Variants in RBM5 observed in about 807,000 individuals in gnomAD.
The protein encoded by RBM5 is RNA binding motif protein 5.
RBM5 carries 15 observed loss-of-function variants against 124.6 expected under a neutral mutation model. The observed-to-expected ratio is 0.12, with a 90% CI of 0.08 to 0.19. The LOEUF is 0.19. Ranked by LOEUF, RBM5 falls within the 10% of genes least tolerant of loss-of-function variation. The probability of loss-of-function intolerance (pLI) is 1.00; values close to 1 mark genes in which losing one functional copy is unlikely to be tolerated. For missense variants in RBM5, 580 were observed against 1,026.5 expected (o/e 0.57, Z 5.94); for synonymous variants, 337 against 361.2 (o/e 0.93, Z 0.76).
At chr3:50,114,300 C>T (rs1267146439) in intron 20 of RBM5, 49 bp downstream of exon 20, 2 of 1,550,756 alleles carry the variant, frequency 1.3e-6, no homozygotes, top group Non-Finnish European at 1.7e-6. Context: ...TGGTTTGTGT[C>T]TCACTTTAAG....
chr3:50,091,961 TG>T, intron 2 of RBM5, 81 bp from the exon 3 acceptor site: 1 of 1,411,740 alleles, frequency 7.1e-7, no homozygotes, highest in South Asian at 1.2e-5. Context: ...AACTGATCTG[TG>T]GGCCGTGTGT....
Position 50,115,457 on chromosome 3 carries a change from C to T in RBM5, c.1869C>T (p.Asp623=), listed in dbSNP as rs769839493. 2 of 1,614,040 alleles carry T rather than the reference C, an allele frequency of 1.2e-6. No homozygotes were observed. The highest frequency in any genetic ancestry group is 8.5e-7 in the Non-Finnish European group (1 of 1,180,004). The change falls in exon 21 of 25, where the codon GAC becomes GAT. Residue 623 remains aspartate (D), a synonymous_variant. Transcript: ENST00000347869. ...KRGLVAAYSG[D]SDNEEELVER... ...GTCTGGTTGCTGCTTACAGTGGTGACAGTGACAATGAGGAGGAGCTGGTGG... is the reference window on the plus strand; with the variant it reads ...GTCTGGTTGCTGCTTACAGTGGTGATAGTGACAATGAGGAGGAGCTGGTGG...
chr3:50,116,411 A>T, intron 22 of RBM5: 1 of 182,716 alleles, frequency 5.5e-6, no homozygotes, highest in African/African-American at 2.4e-5. Flanking sequence ...AGATCTGGGA[A>T]CAAAGGCAAG....
intron 6 of RBM5, 43 bp from the exon 7 acceptor site, chr3:50,103,040 T>C: frequency 1.4e-6 from 2 of 1,445,174 alleles, no homozygotes; most frequent in Non-Finnish European, 1.9e-6. Context: ...AATGGACACA[T>C]GTTCCTCACA....
chr3:50,099,564 G>A (rs1240766032), intron 4 of RBM5: 1 of 155,406 alleles, frequency 6.4e-6, no homozygotes, highest in African/African-American at 2.4e-5. Context: ...TGGATGTGGT[G>A]GTGGATGCCT....
Position 50,118,494 on chromosome 3 carries a change from A to T in RBM5, c.*38A>T. Reference sequence around the variant, plus strand: ...GAGAGAGATGACAAGGAGCACAAGAAGTGGTCCATCTCCCGAATTCGCTGT... The same window carrying T: ...GAGAGAGATGACAAGGAGCACAAGATGTGGTCCATCTCCCGAATTCGCTGT... On this transcript the variant is annotated 3_prime_UTR_variant, in exon 25 of 25. Transcript: ENST00000347869. 6.2e-7 allele frequency: 1 copy of T among 1,602,424 alleles called. No homozygotes were observed. The highest frequency in any genetic ancestry group is 8.5e-7 in the Non-Finnish European group (1 of 1,173,372).
chr3:50,099,748 G>C lies in RBM5; in HGVS notation c.340-234G>C, dbSNP rs2090900646. ...ATGGTGGTGCACACCTATAATCCCA[G>C]CTACTCGGGAGGCTGAGGCAGGAGA... On this transcript the variant is annotated intron_variant, in intron 4 of 24. Coordinates refer to ENST00000347869, the MANE Select transcript of RBM5 (RefSeq NM_005778.4). 1.4e-5 allele frequency: 5 copies of C among 350,424 alleles called. No individual in the cohort carries two copies. In the East Asian group the frequency reaches 2.9e-4, roughly 21 times the overall value. The allele number at this position is 350,424 out of a possible 1,614,324, so 21.7% of individuals were successfully genotyped here. A position where few individuals can be genotyped will look rare whatever the true frequency, so the allele number is the denominator to read the frequency against.
intron 10 of RBM5, among the ~76,000 whole-genome samples, chr3:50,106,441 A>AT (rs1345451689): frequency 6.6e-6 from 1 of 151,996 alleles, no homozygotes; most frequent in African/African-American, 2.4e-5. Context: ...TAATTTTTGT[A>AT]TTTTTAGTAG....
chr3:50,089,660 T>TC (rs1221218156), intron 1 of RBM5, among the ~76,000 whole-genome samples: 2 of 152,208 alleles, frequency 1.3e-5, no homozygotes, highest in African/African-American at 4.8e-5. Flanking sequence ...CGTTGAGCAT[T>TC]CGCTCTAGAC....
rs778955928 is a variant in RBM5 at position 50,109,635 on chromosome 3, G to C, written c.1225G>C (p.Val409Leu). The stretch of plus-strand genomic sequence containing the variant: ...AGTGACCACCACCTCAGCGGCTGTA[G>C]TGTCCCAGAGTCCTCAGCTGTATAA... ...TAVTTTSAAV[V>L]SQSPQLYNQT... The change falls in exon 15 of 25, where the codon GTG becomes CTG. Residue 409 changes from valine to leucine, a missense_variant. Coordinates refer to ENST00000347869, the MANE Select transcript of RBM5 (RefSeq NM_005778.4). 1.2e-6 allele frequency: 2 copies of C among 1,614,120 alleles called. No individual in the cohort carries two copies. Among genetic ancestry groups the C allele is most frequent in the South Asian group, 2.2e-5 (2 of 91,080 alleles).
At position 50,115,716 on chromosome 3, in the gene RBM5, C is replaced by T; in HGVS notation, c.2019+109C>T. 4.5e-6 allele frequency: 6 copies of T among 1,345,664 alleles called. 1 individual carries two copies. The South Asian group carries it at 8.3e-5, about 19-fold the overall frequency. 83.4% of individuals were successfully genotyped at this position (1,345,664 alleles called of 1,614,324 possible). ...AAAATACCTGCCATCTAATGATGGC[C>T]TTACAGAAAGCTGTTCCCGATGACA... is the stretch of plus-strand genomic sequence containing the variant. On this transcript the variant is annotated intron_variant, in intron 21 of 24. Transcript: ENST00000347869.
intron 17 of RBM5, among the ~76,000 whole-genome samples, chr3:50,112,349 G>A (rs1160835564): frequency 1.3e-5 from 2 of 148,800 alleles, no homozygotes; most frequent in African/African-American, 5.0e-5. Flanking sequence ...CCGGGAGGTG[G>A]AGCTGGCAGT....
chr3:50,103,242 G>C (rs1445532851), intron 7 of RBM5, 76 bp downstream of exon 7: 14 of 1,186,870 alleles, frequency 1.2e-5, no homozygotes, highest in Non-Finnish European at 1.2e-6. Flanking sequence ...TTATTTGACT[G>C]TCCAAACAAG....
chr3:50,092,301 CCCA>C, intron 3 of RBM5, 93 bp downstream of exon 3: 1 of 1,373,032 alleles, frequency 7.3e-7, no homozygotes, highest in Non-Finnish European at 9.8e-7. Context: ...GTGGCCCCTT[CCCA>C]TAATCCTATC....
chr3:50,103,270 A>G (rs759151669), intron 7 of RBM5, 104 bp downstream of exon 7: 2 of 917,724 alleles, frequency 2.2e-6, no homozygotes, highest in Non-Finnish European at 3.5e-6. Flanking sequence ...TTACTCAATC[A>G]TCAGTAATAT....
In RBM5 at chr3:50,093,870, A is replaced by G. The variant is rs2090755766; in HGVS notation, c.334A>G (p.Ser112Gly). 4.4e-6 allele frequency: 7 copies of G among 1,608,358 alleles called. No homozygotes were observed. Among genetic ancestry groups the G allele is most frequent in the Non-Finnish European group, 6.0e-6 (7 of 1,175,324 alleles). Reference sequence around the variant, plus strand: ...CGGCCTTCCCATCACCATCACAGAGAGCGATGTAAGGGGAAATGACAGTTA... The same window carrying G: ...CGGCCTTCCCATCACCATCACAGAGGGCGATGTAAGGGGAAATGACAGTTA... ...LRGLPITITESDIREMMESFE... is the reference protein window; with the variant it reads ...LRGLPITITEGDIREMMESFE... The change falls in exon 4 of 25, where the codon AGC becomes GGC. Residue 112 changes from serine (S) to glycine (G), a missense_variant. This residue lies in a region of RBM5 where 101 missense variants were observed against 223.2 expected (regional missense o/e 0.45). Transcript: ENST00000347869.
intron 17 of RBM5, chr3:50,113,135 T>C (rs1050782358): frequency 8.7e-5 from 26 of 297,188 alleles, no homozygotes; most frequent in African/African-American, 5.8e-4. Flanking sequence ...ATTACGGGCA[T>C]GAGCCACTGC....
In RBM5 at chr3:50,093,891, A is replaced by T. The variant is rs766280891; in HGVS notation, c.339+16A>T. On this transcript the variant is annotated intron_variant, in intron 4 of 24. Transcript: ENST00000347869. Reference sequence around the variant, plus strand: ...AGAGAGCGATGTAAGGGGAAATGACAGTTATAACCAGCAGTCAGTAGGCAC... The same window carrying T: ...AGAGAGCGATGTAAGGGGAAATGACTGTTATAACCAGCAGTCAGTAGGCAC... The T allele has an allele frequency of 6.3e-7, 1 of 1,591,560 alleles. No individual in the cohort carries two copies. The highest frequency in any genetic ancestry group is 8.6e-7 in the Non-Finnish European group (1 of 1,161,448).
At chr3:50,095,286 G>A (rs532339565) in intron 4 of RBM5, among the ~76,000 whole-genome samples, 1 of 152,294 alleles carries the variant, frequency 6.6e-6, no homozygotes, top group East Asian at 1.9e-4. Context: ...CAGGGAGCAG[G>A]TCTTCTGTCT....
Sources: gnomAD v4.1 joint callset for allele counts (sites outside exome capture counted in the v4.1 genomes callset) on GRCh38, gnomAD v4.1.1 for gene constraint, gnomAD v4.1.1 regional missense constraint, MANE v1.5 for transcripts, NCBI Gene and HGNC (gene_info 2026-07-23, HGNC 2026-07-21) for gene names.